The following ARNT2 variants were observed in gnomAD, a reference collection of about 807,000 sequenced individuals.
ARNT2 encodes the protein ARNT protein 2.
ARNT2 carries 36 observed loss-of-function variants against 91.7 expected under a neutral mutation model. That is an observed-to-expected ratio of 0.39 (90% CI 0.30 to 0.52). The LOEUF is 0.52. Among genes scored for constraint, ARNT2 ranks in the 20% least tolerant of loss-of-function variants. The pLI, the probability that ARNT2 is intolerant of heterozygous loss-of-function variation, is 0.72. For missense variants in ARNT2, 775 were observed against 939.3 expected, an observed-to-expected ratio of 0.83 and a Z score of 2.29; for synonymous variants, 365 against 347.1, an observed-to-expected ratio of 1.05 and a Z score of -0.57.
intron 17 of ARNT2, among the ~76,000 whole-genome samples, chr15:80,586,378 A>G (rs1028529653): frequency 2.6e-5 from 4 of 152,198 alleles, no homozygotes; most frequent in Admixed American, 2.0e-4. Flanking sequence ...CAATTCATCC[A>G]TGCATGACAC....
At chr15:80,488,329 A>T (rs966263989) in intron 5 of ARNT2, among the ~76,000 whole-genome samples, 1 of 152,240 alleles carries the variant, frequency 6.6e-6, no homozygotes, top group Admixed American at 6.5e-5. Flanking sequence ...AAATTCATGC[A>T]GAGATTTAAC....
intron 1 of ARNT2, among the ~76,000 whole-genome samples, chr15:80,433,008 A>G (rs538443634): frequency 6.6e-6 from 1 of 152,314 alleles, no homozygotes; most frequent in Non-Finnish European, 1.5e-5. Context: ...ATATTTGTAG[A>G]GTAATTCACA....
At chr15:80,577,099 G>C (rs762395951) in intron 15 of ARNT2, 134 bp downstream of exon 15, 71 of 813,726 alleles carry the variant, frequency 8.7e-5, no homozygotes, top group Middle Eastern at 2.7e-4. Context: ...GGACTAAACT[G>C]AGGATTCTGG....
chr15:80,507,243 G>A lies in ARNT2; in HGVS notation c.623-913G>A, dbSNP rs192316183. Among the ~76,000 whole-genome samples the A allele has an allele frequency of 8.5e-4, 129 of 152,288 alleles. 1 individual carries two copies. Among genetic ancestry groups the A allele is most frequent in the Admixed American group, 8.4e-3 (128 of 15,288 alleles). ...CCACGTGGGAGGAGGTCAGTTGATGGCCCAGAACCCCGTGGGGGGTGGGAG... is the reference window on the plus strand; with the variant it reads ...CCACGTGGGAGGAGGTCAGTTGATGACCCAGAACCCCGTGGGGGGTGGGAG... On this transcript the variant is annotated intron_variant, in intron 5 of 18. Coordinates refer to ENST00000303329, the MANE Select transcript of ARNT2 (RefSeq NM_014862.4).
intron 11 of ARNT2, among the ~76,000 whole-genome samples, chr15:80,559,016 A>AT (rs901940687): frequency 5.9e-5 from 9 of 151,718 alleles, no homozygotes; most frequent in Non-Finnish European, 1.0e-4. Flanking sequence ...TGTCTTCCCC[A>AT]TTTTTTTCAC....
chr15:80,581,495 C>T, intron 17 of ARNT2, 91 bp downstream of exon 17: 3 of 1,530,838 alleles, frequency 2.0e-6, no homozygotes, highest in South Asian at 2.4e-5. Flanking sequence ...CTCCAAGCTC[C>T]CAGCTACCAA....
intron 11 of ARNT2, among the ~76,000 whole-genome samples, chr15:80,560,417 A>G (rs1420600140): frequency 2.6e-5 from 4 of 152,118 alleles, no homozygotes; most frequent in Non-Finnish European, 5.9e-5. Flanking sequence ...TAACATGTCT[A>G]AGGTGCTTAG....
At chr15:80,592,291 A>C (rs1252831551) in intron 18 of ARNT2, among the ~76,000 whole-genome samples, 1 of 152,222 alleles carries the variant, frequency 6.6e-6, no homozygotes, top group Non-Finnish European at 1.5e-5. Flanking sequence ...GCACTGCTGC[A>C]GCCCCACAGA....
intron 8 of ARNT2, among the ~76,000 whole-genome samples, chr15:80,518,276 T>C (rs1447277035): frequency 8.8e-6 from 1 of 114,208 alleles, no homozygotes; most frequent in Non-Finnish European, 1.8e-5. Flanking sequence ...CTTTTTCTAT[T>C]CTTTTTTTTT....
chr15:80,576,955 A>G lies in ARNT2; in HGVS notation c.1603A>G (p.Lys535Glu). 1 of 1,614,006 alleles carries G rather than the reference A, an allele frequency of 6.2e-7. No homozygotes were observed. Among genetic ancestry groups the G allele is most frequent in the Non-Finnish European group, 8.5e-7 (1 of 1,180,008 alleles). Residue 535 changes from lysine (K) to glutamate (E), a missense_variant, in exon 15 of 19, where the codon AAG (lysine) becomes GAG (glutamate). Lys to Glu is a moderately conservative substitution (Grantham distance 56). This residue lies in a region of ARNT2 where 325 missense variants were observed against 359.9 expected (regional missense o/e 0.90). Transcript: ENST00000303329. Reference protein sequence around the residue: ...GSPFPSGHSGKAFSSSVVHVP... With the variant: ...GSPFPSGHSGEAFSSSVVHVP... ...CCCATTTCCCTCTGGACACTCCGGG[A>G]AGGCCTTCAGGTATGTGCCAGCGAG...
rs926817208 is a variant in ARNT2 at position 80,520,057 on chromosome 15, A to G, written c.877+5652A>G. Among the ~76,000 whole-genome samples the G allele has an allele frequency of 5.3e-5, 8 of 149,760 alleles. No individual in the cohort carries two copies. In the South Asian group the frequency reaches 1.7e-3, roughly 33 times the overall value. ...CTTATTTAGGAACCAAATGGAAGGCAGGTTTGCATGACCCAGTTCCCAGTT... is the reference window on the plus strand; with the variant it reads ...CTTATTTAGGAACCAAATGGAAGGCGGGTTTGCATGACCCAGTTCCCAGTT... On this transcript the variant is annotated intron_variant, in intron 8 of 18. Coordinates refer to ENST00000303329, the MANE Select transcript of ARNT2 (RefSeq NM_014862.4).
chr15:80,503,985 T>C (rs548980954), intron 5 of ARNT2, among the ~76,000 whole-genome samples: 1 of 152,304 alleles, frequency 6.6e-6, no homozygotes, highest in East Asian at 1.9e-4. Context: ...GTGTGCAGGA[T>C]AGTTCTAGCA....
intron 8 of ARNT2, among the ~76,000 whole-genome samples, chr15:80,514,762 T>C (rs1595993501): frequency 6.6e-6 from 1 of 152,172 alleles, no homozygotes. Context: ...GGCGGGCGCC[T>C]GTCGTCCCAG....
At chr15:80,580,572 C>G (rs750821695) in intron 16 of ARNT2, 23 bp downstream of exon 16, 2 of 1,613,312 alleles carry the variant, frequency 1.2e-6, no homozygotes, top group East Asian at 2.2e-5. Context: ...GTGAGGGCAT[C>G]TCCCCTGGGT....
At chr15:80,437,724 A>T (rs1057440257) in intron 1 of ARNT2, among the ~76,000 whole-genome samples, 2 of 152,086 alleles carry the variant, frequency 1.3e-5, no homozygotes, top group Non-Finnish European at 2.9e-5. Context: ...TGTGTTCCCA[A>T]TTCCCACGCA....
Position 80,475,191 on chromosome 15 carries a change from A to G in ARNT2, c.590A>G (p.Glu197Gly). The G allele has an allele frequency of 6.2e-7, 1 of 1,614,110 alleles. No homozygotes were observed. The highest frequency in any genetic ancestry group is 8.5e-7 in the Non-Finnish European group (1 of 1,180,042). ...CCTGATGACGTGGAGAAGCTGAGAG[A>G]GCAACTGTGCACCTCAGAAAACTCA... ...VHPDDVEKLR[E>G]QLCTSENSMT... The change falls in exon 5 of 19, where the codon GAG becomes GGG. Residue 197 changes from glutamate to glycine, a missense_variant. Glu to Gly is a moderately conservative substitution (Grantham distance 98). Transcript: ENST00000303329.
rs1015111852 is a variant in ARNT2 at position 80,575,075 on chromosome 15, C to G, written c.1478C>G (p.Pro493Arg). 2 of 1,614,076 alleles carry G rather than the reference C, an allele frequency of 1.2e-6. No individual in the cohort carries two copies. Among genetic ancestry groups the G allele is most frequent in the Non-Finnish European group, 1.7e-6 (2 of 1,180,038 alleles). Reference sequence around the variant, plus strand: ...GCAATCTTCTCCCAGGAAAGAGATCCTCGGTTTGCTGAAATGTTTGCAGGA... The same window carrying G: ...GCAATCTTCTCCCAGGAAAGAGATCGTCGGTTTGCTGAAATGTTTGCAGGA... ...ADAIFSQERD[P>R]RFAEMFAGIS... is the part of the protein sequence containing the mutation. Residue 493 changes from proline (P) to arginine (R), a missense_variant, in exon 14 of 19, where the codon CCT (proline) becomes CGT (arginine). Pro to Arg is a moderately radical substitution (Grantham distance 103). Around this residue, in one of 5 missense-constraint regions of ARNT2, gnomAD observed 325 missense variants for 359.9 expected, o/e 0.90. Transcript: ENST00000303329.
chr15:80,591,110 T>G lies in ARNT2; in HGVS notation c.1919-458T>G, dbSNP rs1449068596. 6.6e-6 allele frequency among the ~76,000 whole-genome samples: 1 copy of G among 152,196 alleles called. No individual in the cohort carries two copies. The highest frequency in any genetic ancestry group is 2.4e-5 in the African/African-American group (1 of 41,438). ...CCAGATGCCTTTCAAGAGCATTCGG[T>G]GGACCGAGAGGGAATCAGGAGCAGG... On this transcript the variant is annotated intron_variant, in intron 17 of 18. Coordinates refer to ENST00000303329, the MANE Select transcript of ARNT2 (RefSeq NM_014862.4). The surrounding 1 kb of genome is among the most constrained non-coding windows in gnomAD (Gnocchi z 5.1).
rs949931468 is a variant in ARNT2 at position 80,514,411 on chromosome 15, G to A, written c.877+6G>A. 1.6e-5 allele frequency: 26 copies of A among 1,613,260 alleles called. 1 individual carries two copies. The highest frequency in any genetic ancestry group is 2.0e-5 in the Non-Finnish European group (24 of 1,179,200). On this transcript the variant is annotated splice_donor_region_variant and intron_variant, in intron 8 of 18. Coordinates refer to ENST00000303329, the MANE Select transcript of ARNT2 (RefSeq NM_014862.4). ...CAAGGCCTGGCCACCAGCAGGTAAG[G>A]AGACCTGCATGTAAATTCCACGGGA...
Sources: gnomAD v4.1 joint callset for allele counts (sites outside exome capture counted in the v4.1 genomes callset) on GRCh38, gnomAD v4.1.1 for gene constraint, gnomAD v4.1.1 regional missense constraint, Gnocchi (gnomAD v3.1) non-coding constraint, MANE v1.5 for transcripts, NCBI Gene and HGNC (gene_info 2026-07-23, HGNC 2026-07-21) for gene names.